The following ALG9 variants were observed in gnomAD, a reference collection of about 807,000 sequenced individuals.
The protein encoded by ALG9 is ALG9 alpha-1,2-mannosyltransferase, also known as alpha-1,2-mannosyltransferase ALG9.
In ALG9, 55 loss-of-function variants were observed where a neutral mutation model predicts 81.8. That is an observed-to-expected ratio of 0.67 (90% CI 0.54 to 0.84). The LOEUF (loss-of-function observed/expected upper bound fraction) is 0.84, where lower values mean the gene tolerates loss of function less well. Among genes scored for constraint, ALG9 ranks in the 40% least tolerant of loss-of-function variants. The pLI is 0.00. For synonymous variants in ALG9, 278 were observed against 274.3 expected, an observed-to-expected ratio of 1.01 and a Z score of -0.13; for missense variants, 629 against 745.0, an observed-to-expected ratio of 0.84 and a Z score of 1.81.
At chr11:111,803,873 C>A (rs1949519605) in intron 14 of ALG9, among the ~76,000 whole-genome samples, 1 of 152,094 alleles carries the variant, frequency 6.6e-6, no homozygotes, top group African/African-American at 2.4e-5. Flanking sequence ...TGGCTCAAGC[C>A]TGTAATCTCA....
chr11:111,788,753 A>G (rs1946880940), intron 14 of ALG9, among the ~76,000 whole-genome samples: 1 of 151,552 alleles, frequency 6.6e-6, no homozygotes, highest in African/African-American at 2.4e-5. Flanking sequence ...ACATTGTCCC[A>G]AAAAAAAAAA....
intron 14 of ALG9, among the ~76,000 whole-genome samples, chr11:111,795,302 G>GT (rs1237508208): frequency 6.6e-6 from 1 of 151,900 alleles, no homozygotes; most frequent in African/African-American, 2.4e-5. Flanking sequence ...ATAATCTAAA[G>GT]TTTTTTTTCT....
chr11:111,818,953 C>A (rs1301895850), intron 13 of ALG9, among the ~76,000 whole-genome samples: 1 of 152,040 alleles, frequency 6.6e-6, no homozygotes, highest in Non-Finnish European at 1.5e-5. Flanking sequence ...TAGCACTGGG[C>A]AGAAGAAAGA....
chr11:111,871,518 G>C lies in ALG9; in HGVS notation c.-36C>G. ...GGGAAAAAAGAATTCGGCACCCTAT[G>C]AAGTCGGTGAGCGCGCAGACATAGC... On this transcript the variant is annotated 5_prime_UTR_variant, in exon 1 of 15. It introduces an in-frame stop codon into an upstream open reading frame of the 5' UTR. Transcript: ENST00000616540. The C allele has an allele frequency of 4.6e-6, 7 of 1,535,602 alleles. No homozygotes were observed. The highest frequency in any genetic ancestry group is 5.2e-6 in the Non-Finnish European group (6 of 1,146,370).
chr11:111,832,564 T>C (rs1267413079), intron 13 of ALG9, among the ~76,000 whole-genome samples: 1 of 152,214 alleles, frequency 6.6e-6, no homozygotes, highest in East Asian at 1.9e-4. Context: ...CCATCATGCA[T>C]GGCTAATTTT....
chr11:111,841,412 G>C (rs1956192957), intron 9 of ALG9, among the ~76,000 whole-genome samples: 1 of 152,150 alleles, frequency 6.6e-6, no homozygotes, highest in African/African-American at 2.4e-5. Flanking sequence ...TCTCCATTTT[G>C]CAATACTCAT....
At chr11:111,835,290 T>C (rs1955046555) in intron 13 of ALG9, among the ~76,000 whole-genome samples, 1 of 152,252 alleles carries the variant, frequency 6.6e-6, no homozygotes, top group Non-Finnish European at 1.5e-5. Flanking sequence ...AGGAGCATTA[T>C]CTTTATTACT....
intron 13 of ALG9, among the ~76,000 whole-genome samples, chr11:111,810,170 G>T (rs1678392802): frequency 1.3e-5 from 2 of 152,162 alleles, no homozygotes; most frequent in African/African-American, 4.8e-5. Flanking sequence ...GCTAATGTGT[G>T]AGAAGGCCTG....
chr11:111,861,473 T>A (rs1367982533), intron 4 of ALG9, among the ~76,000 whole-genome samples: 1 of 152,168 alleles, frequency 6.6e-6, no homozygotes, highest in Admixed American at 6.5e-5. Flanking sequence ...TTTCTTCCCC[T>A]CCTCCTCCCA....
At chr11:111,777,222 C>T (rs1461212650), downstream of ALG9, among the ~76,000 whole-genome samples, 4 of 152,208 alleles carry the variant, frequency 2.6e-5, no homozygotes, top group Non-Finnish European at 5.9e-5. Context: ...TGAGAATTGA[C>T]TTAAGAATCC....
At chr11:111,816,115 T>C (rs1269314131) in intron 13 of ALG9, among the ~76,000 whole-genome samples, 2 of 152,198 alleles carry the variant, frequency 1.3e-5, no homozygotes, top group Non-Finnish European at 2.9e-5. Flanking sequence ...TGATTAGTTG[T>C]TGGGCACTAT....
intron 10 of ALG9, 98 bp from the exon 11 acceptor site, chr11:111,838,497 G>T: frequency 8.9e-7 from 1 of 1,127,576 alleles, no homozygotes; most frequent in Non-Finnish European, 1.3e-6. Context: ...TTAGGGATCT[G>T]AGCATTTGCC....
At chr11:111,781,649 TTTA>T (rs782631169), downstream of ALG9, among the ~76,000 whole-genome samples, 14 of 152,086 alleles carry the variant, frequency 9.2e-5, no homozygotes, top group Non-Finnish European at 1.8e-4. Flanking sequence ...TTATTCATTT[TTTA>T]TTATTTTTTT....
rs1591745061 is a variant in ALG9 at position 111,782,238 on chromosome 11, A to G, written c.*4159T>C. On this transcript the variant is annotated 3_prime_UTR_variant, in exon 15 of 15. Transcript: ENST00000616540. ...TTTAACTCTTTCTTTCACAGGAAAT[A>G]TAAGTATGTAATGTAAACACCGACA... 2.0e-5 allele frequency: 3 copies of G among 152,236 alleles called. No individual in the cohort carries two copies. Among genetic ancestry groups the G allele is most frequent in the Admixed American group, 6.5e-5 (1 of 15,278 alleles). The allele number at this position is 152,236 out of a possible 1,614,324, so 9.4% of individuals were successfully genotyped here. A position where few individuals can be genotyped will look rare whatever the true frequency, so the allele number is the denominator to read the frequency against.
intron 6 of ALG9, among the ~76,000 whole-genome samples, chr11:111,856,624 AC>A (rs200780775): frequency 1.7e-4 from 25 of 147,632 alleles, no homozygotes; most frequent in African/African-American, 5.5e-4. Flanking sequence ...TCTGGTACTT[AC>A]TTTTTTTTTT....
intron 14 of ALG9, among the ~76,000 whole-genome samples, chr11:111,791,601 T>C (rs931978194): frequency 6.6e-6 from 1 of 152,200 alleles, no homozygotes; most frequent in African/African-American, 2.4e-5. Flanking sequence ...CTTGCCTGAT[T>C]GTTCCACCTC....
intron 8 of ALG9, among the ~76,000 whole-genome samples, chr11:111,852,565 A>G (rs1957995769): frequency 6.6e-6 from 1 of 152,188 alleles, no homozygotes; most frequent in African/African-American, 2.4e-5. Flanking sequence ...AGATTTTCCA[A>G]ACTTTCTCCC....
At chr11:111,822,949 G>A (rs570814057) in intron 13 of ALG9, among the ~76,000 whole-genome samples, 3 of 151,458 alleles carry the variant, frequency 2.0e-5, no homozygotes, top group East Asian at 3.9e-4. Flanking sequence ...GCTTGAACCC[G>A]GGAGGCGGAG....
At chr11:111,827,981 C>T (rs1284161229) in intron 13 of ALG9, among the ~76,000 whole-genome samples, 4 of 149,680 alleles carry the variant, frequency 2.7e-5, no homozygotes, top group Non-Finnish European at 4.4e-5. Flanking sequence ...TGACGTCAGG[C>T]GTTTGAGACC....
Sources: gnomAD v4.1 joint callset for allele counts (sites outside exome capture counted in the v4.1 genomes callset) on GRCh38, gnomAD v4.1.1 for gene constraint, MANE v1.5 for transcripts, NCBI Gene and HGNC (gene_info 2026-07-23, HGNC 2026-07-21) for gene names.